Variants in UGT2B11 observed in about 807,000 individuals in gnomAD.
The protein encoded by UGT2B11 is UDP glucuronosyltransferase family 2 member B11, also known as UDP-glucuronosyltransferase 2B11.
UGT2B11 carries 49 observed loss-of-function variants against 51.7 expected under a neutral mutation model. The ratio of observed to expected loss-of-function variants is 0.95; its 90% confidence interval spans 0.75 to 1.20. The LOEUF is 1.20. UGT2B11 is among the 50% of genes most tolerant of loss of function. The pLI is 0.00. For missense variants in UGT2B11, 810 were observed against 622.1 expected (o/e 1.30, Z -3.21); for synonymous variants, 273 against 209.0 (o/e 1.31, Z -2.64).
chr4:69,209,306 G>T (rs1721971911), intron 2 of UGT2B11, among the ~76,000 whole-genome samples: 1 of 151,624 alleles, frequency 6.6e-6, no homozygotes, highest in Admixed American at 6.6e-5. Flanking sequence ...CTGCATGTGA[G>T]GAACTCTCAT....
In UGT2B11 at chr4:69,210,470, A is replaced by G. The variant is rs1722019141; in HGVS notation, c.871-1988T>C. 2.6e-5 allele frequency among the ~76,000 whole-genome samples: 4 copies of G among 151,796 alleles called. No homozygotes were observed. In the South Asian group the frequency reaches 8.3e-4, roughly 31 times the overall value. On this transcript the variant is annotated intron_variant, in intron 2 of 5. Transcript: ENST00000446444. ...ACCTGGGTTAGCAATTATTTTACAT[A>G]ATAAACAGTTAAATAGCTGGTTTCA...
At chr4:69,202,895 G>A (rs1721710133) in intron 5 of UGT2B11, among the ~76,000 whole-genome samples, 1 of 151,500 alleles carries the variant, frequency 6.6e-6, no homozygotes, top group Non-Finnish European at 1.5e-5. Flanking sequence ...TATTCCTTTA[G>A]ATGATACCCT....
chr4:69,205,491 T>A lies in UGT2B11; in HGVS notation c.1079A>T (p.Asn360Ile), dbSNP rs1472122678. The change falls in exon 4 of 6, where the codon AAT becomes ATT. Residue 360 changes from asparagine (N) to isoleucine (I), a missense_variant. Asn to Ile is a moderately radical substitution (Grantham distance 149, BLOSUM62 -3). Coordinates refer to ENST00000446444, the MANE Select transcript of UGT2B11 (RefSeq NM_001073.3). The stretch of plus-strand genomic sequence containing the variant: ...CACCAGAGTGTTACCTAGAAGGTCA[T>A]TCTGGGGTATCCACTTGTACAGCCG... ...NTRLYKWIPQ[N>I]DLLGHPKTRA... 1.2e-6 allele frequency: 2 copies of A among 1,610,484 alleles called. No individual in the cohort carries two copies. Among genetic ancestry groups the A allele is most frequent in the Non-Finnish European group, 1.7e-6 (2 of 1,177,820 alleles).
chr4:69,219,061 C>A (rs1039471918), upstream of UGT2B11, among the ~76,000 whole-genome samples: 1 of 152,104 alleles, frequency 6.6e-6, no homozygotes, highest in Non-Finnish European at 1.5e-5. Context: ...GCGTCCTCAG[C>A]CTTCTTTCTC....
In UGT2B11 at chr4:69,214,333, T is replaced by G. The variant is rs757506704; in HGVS notation, c.390A>C (p.Val130=). The change falls in exon 1 of 6, where the codon GTA becomes GTC. Residue 130 remains valine, a synonymous_variant. Transcript: ENST00000446444. The part of the protein sequence containing the change: ...YDIFRNFCKD[V]VSNKKVMKKL... ...TTTTCATAACTTTCTTATTTGAAAC[T>G]ACATCTTTACAGAAGTTTCTAAATA... is the stretch of plus-strand genomic sequence containing the variant. The G allele has an allele frequency of 1.9e-6, 3 of 1,612,906 alleles. No homozygotes were observed. Among genetic ancestry groups the G allele is most frequent in the African/African-American group, 2.7e-5 (2 of 74,820 alleles).
the UGT2B11 span, among the ~76,000 whole-genome samples, chr4:69,224,369 C>T: frequency 2.0e-5 from 3 of 152,102 alleles, no homozygotes; most frequent in East Asian, 3.9e-4. Context: ...GGTGTACTTC[C>T]GGACCACCAT....
intron 3 of UGT2B11, 42 bp from the exon 4 acceptor site, chr4:69,205,609 C>A: frequency 6.3e-7 from 1 of 1,584,432 alleles, no homozygotes; most frequent in South Asian, 1.1e-5. Flanking sequence ...GAGTGGAACT[C>A]AAAAATTATA....
At chr4:69,212,526 C>T (rs1291142333) in intron 2 of UGT2B11, 47 bp downstream of exon 2, 8 of 1,587,020 alleles carry the variant, frequency 5.0e-6, no homozygotes, top group Admixed American at 1.9e-5. Flanking sequence ...CTCATTTCTA[C>T]TGAAACTTCG....
chr4:69,216,720 G>A (rs921849497), upstream of UGT2B11: 91 of 151,890 alleles, frequency 6.0e-4, no homozygotes, highest in African/African-American at 2.0e-3. Flanking sequence ...TTTAAGTATT[G>A]ACAATAGAGG....
chr4:69,223,752 C>A, the UGT2B11 span, among the ~76,000 whole-genome samples: 5 of 152,278 alleles, frequency 3.3e-5, no homozygotes, highest in East Asian at 9.7e-4. Context: ...GCTTCTGTCC[C>A]CACTTCCCAT....
chr4:69,201,345 G>C (rs1721652331), intron 5 of UGT2B11: 2 of 151,776 alleles, frequency 1.3e-5, no homozygotes, highest in African/African-American at 4.8e-5. Context: ...GTCTCCTACT[G>C]TTTCCCACCC....
chr4:69,210,935 G>T (rs527856076), intron 2 of UGT2B11: 2 of 151,702 alleles, frequency 1.3e-5, no homozygotes, highest in South Asian at 2.1e-4. Flanking sequence ...CCTTCAAAAA[G>T]AATATAATCT....
chr4:69,217,803 C>CA (rs919047584), upstream of UGT2B11, among the ~76,000 whole-genome samples: 1 of 151,934 alleles, frequency 6.6e-6, no homozygotes, highest in Non-Finnish European at 1.5e-5. Flanking sequence ...AGCATATAGA[C>CA]AAAAAAAATT....
chr4:69,202,966 C>T (rs767318207), intron 5 of UGT2B11, among the ~76,000 whole-genome samples: 5 of 151,528 alleles, frequency 3.3e-5, no homozygotes, highest in Non-Finnish European at 5.9e-5. Flanking sequence ...AGCTGGACTC[C>T]GCAGGTAATT....
chr4:69,218,337 T>C (rs1355264742), upstream of UGT2B11, among the ~76,000 whole-genome samples: 3 of 152,068 alleles, frequency 2.0e-5, no homozygotes, highest in Admixed American at 2.0e-4. Flanking sequence ...TCACTATTGG[T>C]AGGGAGAACA....
intron 1 of UGT2B11, among the ~76,000 whole-genome samples, chr4:69,213,037 T>A (rs1422705096): frequency 6.6e-6 from 1 of 151,410 alleles, no homozygotes; most frequent in Non-Finnish European, 1.5e-5. Flanking sequence ...CTTCAATAGT[T>A]GCATATAGAT....
At chr4:69,223,443 G>A in the UGT2B11 span, among the ~76,000 whole-genome samples, 5 of 152,066 alleles carry the variant, frequency 3.3e-5, no homozygotes, top group Admixed American at 1.3e-4. Context: ...CATGCTTACC[G>A]GCAGGATGGA....
chr4:69,201,912 C>A (rs1345727813), intron 5 of UGT2B11, among the ~76,000 whole-genome samples: 1 of 151,722 alleles, frequency 6.6e-6, no homozygotes, highest in Non-Finnish European at 1.5e-5. Flanking sequence ...TACCAATTTA[C>A]CTACTGTTCA....
chr4:69,213,144 T>C (rs900084488), intron 1 of UGT2B11, among the ~76,000 whole-genome samples: 1 of 147,558 alleles, frequency 6.8e-6, no homozygotes, highest in African/African-American at 2.6e-5. Flanking sequence ...ATTAAGCTAA[T>C]CCTTTTATCT....
Sources: gnomAD v4.1 joint callset for allele counts (sites outside exome capture counted in the v4.1 genomes callset) on GRCh38, gnomAD v4.1.1 for gene constraint, MANE v1.5 for transcripts, NCBI Gene and HGNC (gene_info 2026-07-23, HGNC 2026-07-21) for gene names.